The following SGCG variants were observed in gnomAD, a reference collection of about 807,000 sequenced individuals.
SGCG encodes the protein gamma-sarcoglycan.
Under a neutral mutation model 29.3 loss-of-function variants are expected in SGCG, and 26 were observed. The ratio of observed to expected loss-of-function variants is 0.89; its 90% confidence interval spans 0.65 to 1.23. SGCG has a LOEUF of 1.23. SGCG is among the 50% of genes most tolerant of loss of function. SGCG has a pLI of 0.00. For missense variants in SGCG, 353 were observed against 356.0 expected (o/e 0.99, Z 0.07); for synonymous variants, 145 against 129.7 (o/e 1.12, Z -0.80).
intron 4 of SGCG, among the ~76,000 whole-genome samples, chr13:23,271,966 G>T (rs1880892268): frequency 6.6e-6 from 1 of 151,862 alleles, no homozygotes; most frequent in African/African-American, 2.4e-5. Context: ...TTTAACTTTT[G>T]TTTGTATGTA....
chr13:23,219,346 C>T (rs1234530284), intron 2 of SGCG, among the ~76,000 whole-genome samples: 1 of 152,136 alleles, frequency 6.6e-6, no homozygotes, highest in Non-Finnish European at 1.5e-5. Flanking sequence ...CACGCCCGGC[C>T]ATAGGTTTTT....
chr13:23,172,987 G>T, the SGCG span, among the ~76,000 whole-genome samples: 1 of 152,188 alleles, frequency 6.6e-6, no homozygotes, highest in African/African-American at 2.4e-5. Flanking sequence ...TTTTGTGTTT[G>T]AGAAGATTGA....
At chr13:23,288,252 A>G (rs1339580468) in intron 5 of SGCG, among the ~76,000 whole-genome samples, 1 of 152,002 alleles carries the variant, frequency 6.6e-6, no homozygotes, top group Non-Finnish European at 1.5e-5. Flanking sequence ...GGGCAGCCTC[A>G]CTCTGAGGAC....
intron 2 of SGCG, among the ~76,000 whole-genome samples, chr13:23,231,310 G>A (rs1221571956): frequency 1.4e-5 from 2 of 148,000 alleles, no homozygotes; most frequent in African/African-American, 2.5e-5. Context: ...GAATGAGCTG[G>A]GAATGAGTCC....
At chr13:23,165,364 G>A in the SGCG span, among the ~76,000 whole-genome samples, 1 of 152,034 alleles carries the variant, frequency 6.6e-6, no homozygotes, top group African/African-American at 2.4e-5. Context: ...ATGAGATAAG[G>A]CAAATAATAT....
intron 4 of SGCG, among the ~76,000 whole-genome samples, chr13:23,263,662 G>T (rs568050850): frequency 6.6e-6 from 1 of 152,042 alleles, no homozygotes; most frequent in Non-Finnish European, 1.5e-5. Context: ...TATCCCCAAA[G>T]AATATAGATG....
At chr13:23,237,522 T>G (rs1879356351) in intron 3 of SGCG, among the ~76,000 whole-genome samples, 2 of 152,190 alleles carry the variant, frequency 1.3e-5, no homozygotes, top group Admixed American at 1.3e-4. Flanking sequence ...TTGAATAAAG[T>G]TGCTACAACT....
At chr13:23,221,193 G>A (rs565640758) in intron 2 of SGCG, among the ~76,000 whole-genome samples, 9 of 152,212 alleles carry the variant, frequency 5.9e-5, no homozygotes, top group African/African-American at 2.2e-4. Context: ...TACCAGAAGT[G>A]ACTAAAAACA....
chr13:23,229,490 C>T (rs1879025998), intron 2 of SGCG, among the ~76,000 whole-genome samples: 1 of 152,160 alleles, frequency 6.6e-6, no homozygotes, highest in Admixed American at 6.5e-5. Context: ...TAATAATACC[C>T]ATTCTGACTG....
chr13:23,223,668 T>G (rs185828237), intron 2 of SGCG, among the ~76,000 whole-genome samples: 1 of 152,194 alleles, frequency 6.6e-6, no homozygotes, highest in Non-Finnish European at 1.5e-5. Flanking sequence ...TTGTTGCCAC[T>G]TAAAGATAGG....
At chr13:23,185,650 G>A (rs150539150) in intron 1 of SGCG, among the ~76,000 whole-genome samples, 2 of 152,366 alleles carry the variant, frequency 1.3e-5, no homozygotes, top group African/African-American at 4.8e-5. Flanking sequence ...AAAGTGGGCA[G>A]AAGGAGATGT....
intron 5 of SGCG, among the ~76,000 whole-genome samples, chr13:23,283,918 T>C (rs1881401074): frequency 6.6e-6 from 1 of 152,218 alleles, no homozygotes; most frequent in African/African-American, 2.4e-5. Flanking sequence ...TCTTTAAGAA[T>C]GTTGAATGTT....
At chr13:23,252,179 T>A (rs1349095918) in intron 4 of SGCG, among the ~76,000 whole-genome samples, 1 of 152,172 alleles carries the variant, frequency 6.6e-6, no homozygotes, top group African/African-American at 2.4e-5. Flanking sequence ...AATTATACAG[T>A]ATTATCATTT....
intron 6 of SGCG, among the ~76,000 whole-genome samples, chr13:23,313,699 C>A (rs1022817994): frequency 1.8e-4 from 27 of 152,284 alleles, no homozygotes; most frequent in African/African-American, 5.8e-4. Flanking sequence ...AATCAAGTCA[C>A]CTTAATTGTA....
At chr13:23,313,458 C>G (rs763577162) in intron 6 of SGCG, among the ~76,000 whole-genome samples, 1 of 152,166 alleles carries the variant, frequency 6.6e-6, no homozygotes, top group Non-Finnish European at 1.5e-5. Flanking sequence ...AGCCACTGAG[C>G]CTGGCCTTCT....
At chr13:23,169,537 G>A in the SGCG span, among the ~76,000 whole-genome samples, 1 of 151,896 alleles carries the variant, frequency 6.6e-6, no homozygotes, top group Non-Finnish European at 1.5e-5. Context: ...AAATTAGTTG[G>A]GCATAGTGGT....
At chr13:23,169,491 C>T in the SGCG span, among the ~76,000 whole-genome samples, 2 of 151,910 alleles carry the variant, frequency 1.3e-5, no homozygotes, top group South Asian at 2.1e-4. Flanking sequence ...CCATTCTGGC[C>T]AACATGGTGA....
At chr13:23,278,648 A>G (rs967857433) in intron 4 of SGCG, among the ~76,000 whole-genome samples, 2 of 152,104 alleles carry the variant, frequency 1.3e-5, no homozygotes, top group African/African-American at 4.8e-5. Context: ...GGGAGGTGTG[A>G]CCTCACCCTC....
intron 1 of SGCG, among the ~76,000 whole-genome samples, chr13:23,195,854 A>G (rs1954704949): frequency 6.6e-6 from 1 of 152,120 alleles, no homozygotes; most frequent in South Asian, 2.1e-4. Flanking sequence ...CATCCTAAAT[A>G]CAGTAATGAA....
Sources: allele counts gnomAD v4.1 joint callset (sites outside exome capture counted in the v4.1 genomes callset), GRCh38; gene constraint gnomAD v4.1.1; transcripts MANE v1.5; gene names NCBI Gene and HGNC (gene_info 2026-07-23, HGNC 2026-07-21).